The following LUZP2 variants were observed in gnomAD, a reference collection of about 807,000 sequenced individuals.
LUZP2 encodes leucine zipper protein 2.
A neutral mutation model predicts 51.6 loss-of-function variants in LUZP2; 52 were observed. That is an observed-to-expected ratio of 1.01 (90% CI 0.81 to 1.27). The LOEUF (loss-of-function observed/expected upper bound fraction) is 1.27, where lower values mean the gene tolerates loss of function less well. LUZP2 is among the 50% of genes most tolerant of loss of function. The pLI is 0.00. For synonymous variants in LUZP2, 154 were observed against 137.3 expected (o/e 1.12, Z -0.85); for missense variants, 436 against 395.4 (o/e 1.10, Z -0.87).
chr11:25,001,588 A>G (rs1856682284), intron 9 of LUZP2, among the ~76,000 whole-genome samples: 1 of 152,236 alleles, frequency 6.6e-6, no homozygotes, highest in Non-Finnish European at 1.5e-5. Context: ...TTGGAGTGTT[A>G]TAGGGTTACA....
chr11:24,673,193 G>A (rs980038153), intron 1 of LUZP2, among the ~76,000 whole-genome samples: 6 of 152,112 alleles, frequency 3.9e-5, no homozygotes, highest in African/African-American at 1.4e-4. Flanking sequence ...ATTGTAACAT[G>A]ATGATAAGTA....
intron 1 of LUZP2, among the ~76,000 whole-genome samples, chr11:24,513,550 A>G (rs1850375762): frequency 6.6e-6 from 1 of 152,204 alleles, no homozygotes; most frequent in Non-Finnish European, 1.5e-5. Flanking sequence ...TTAAATAATT[A>G]GAAGGGTAAA....
At chr11:24,771,083 T>C (rs1429289317) in intron 5 of LUZP2, among the ~76,000 whole-genome samples, 2 of 152,208 alleles carry the variant, frequency 1.3e-5, no homozygotes, top group Admixed American at 6.5e-5. Flanking sequence ...ATATCTGACC[T>C]AGAGCCGCAA....
At chr11:24,708,034 G>C (rs974509622) in intron 1 of LUZP2, among the ~76,000 whole-genome samples, 3 of 152,134 alleles carry the variant, frequency 2.0e-5, no homozygotes, top group Non-Finnish European at 2.9e-5. Flanking sequence ...GAGTGCTTTG[G>C]AGGGAGTCAG....
chr11:24,623,338 GA>G (rs1854566241), intron 1 of LUZP2, among the ~76,000 whole-genome samples: 2 of 152,168 alleles, frequency 1.3e-5, no homozygotes, highest in African/African-American at 4.8e-5. Context: ...ACTTGAGGAA[GA>G]ATGTCAGTAT....
At chr11:24,804,916 T>C (rs938020794) in intron 5 of LUZP2, among the ~76,000 whole-genome samples, 8 of 152,176 alleles carry the variant, frequency 5.3e-5, no homozygotes, top group Admixed American at 2.0e-4. Context: ...CTTGGCTCAC[T>C]GCAACCTCTG....
chr11:25,023,488 A>G (rs1445239259), intron 9 of LUZP2, among the ~76,000 whole-genome samples: 1 of 152,082 alleles, frequency 6.6e-6, no homozygotes, highest in Non-Finnish European at 1.5e-5. Context: ...CAGTGTTGAT[A>G]TCCCCTTTAT....
At chr11:24,973,201 T>A (rs770686343) in intron 7 of LUZP2, among the ~76,000 whole-genome samples, 16 of 151,472 alleles carry the variant, frequency 1.1e-4, no homozygotes, top group African/African-American at 1.7e-4. Flanking sequence ...CTTATTCATT[T>A]CTTCTGAATT....
chr11:24,596,875 CCTTTT>C (rs774303091), intron 1 of LUZP2, among the ~76,000 whole-genome samples: 2 of 152,142 alleles, frequency 1.3e-5, no homozygotes, highest in Non-Finnish European at 2.9e-5. Context: ...TTAAGGTCCA[CCTTTT>C]CTGAATAAGT....
At chr11:24,915,048 A>G (rs1253647174) in intron 7 of LUZP2, among the ~76,000 whole-genome samples, 2 of 152,264 alleles carry the variant, frequency 1.3e-5, no homozygotes, top group East Asian at 3.9e-4. Flanking sequence ...GACTTAAAAT[A>G]TGAGATATAT....
chr11:25,041,290 ATAAT>A (rs1858049838), intron 9 of LUZP2, among the ~76,000 whole-genome samples: 1 of 152,182 alleles, frequency 6.6e-6, no homozygotes, highest in Non-Finnish European at 1.5e-5. Context: ...ATTAACAACA[ATAAT>A]TAATAATAAA....
At chr11:24,548,001 TATC>T (rs1390916033) in intron 1 of LUZP2, among the ~76,000 whole-genome samples, 2 of 152,018 alleles carry the variant, frequency 1.3e-5, no homozygotes, top group East Asian at 1.9e-4. Context: ...CACAATGAGA[TATC>T]ATCTCATACA....
At chr11:24,837,682 G>C (rs763793128) in intron 5 of LUZP2, among the ~76,000 whole-genome samples, 7 of 151,666 alleles carry the variant, frequency 4.6e-5, no homozygotes, top group Non-Finnish European at 1.0e-4. Flanking sequence ...TTGTAAAGTT[G>C]TTTCAATTGT....
intron 1 of LUZP2, among the ~76,000 whole-genome samples, chr11:24,550,084 A>T (rs1344785510): frequency 6.6e-6 from 1 of 152,028 alleles, no homozygotes; most frequent in African/African-American, 2.4e-5. Flanking sequence ...AAATCTTTAC[A>T]TGGCTTGGGA....
chr11:24,588,865 A>G (rs1358024159), intron 1 of LUZP2, among the ~76,000 whole-genome samples: 1 of 152,142 alleles, frequency 6.6e-6, no homozygotes, highest in Non-Finnish European at 1.5e-5. Context: ...TTAAAAAAAG[A>G]AGATCCTCAC....
intron 5 of LUZP2, among the ~76,000 whole-genome samples, chr11:24,808,063 A>G (rs1849905755): frequency 6.6e-6 from 1 of 152,220 alleles, no homozygotes; most frequent in Non-Finnish European, 1.5e-5. Context: ...CAATGGAAAT[A>G]AAATGTAAAT....
chr11:24,855,058 T>C (rs2631446), intron 5 of LUZP2, among the ~76,000 whole-genome samples: 23,071 of 152,198 alleles, frequency 0.15, 1,907 homozygotes, highest in African/African-American at 0.2. Context: ...AGCTATAGAC[T>C]GGAGCTGTTC....
intron 1 of LUZP2, among the ~76,000 whole-genome samples, chr11:24,566,502 T>TTGTG (rs201421517): frequency 1.4e-5 from 2 of 147,662 alleles, no homozygotes; most frequent in African/African-American, 2.5e-5. Flanking sequence ...ATAATTTAAT[T>TTGTG]TGTGTGTGTG....
chr11:25,008,696 G>C (rs929592669), intron 9 of LUZP2, among the ~76,000 whole-genome samples: 2 of 152,170 alleles, frequency 1.3e-5, no homozygotes, highest in Non-Finnish European at 2.9e-5. Flanking sequence ...ACGAGAGTAA[G>C]TAAGGCAGTG....
Sources: gnomAD v4.1 joint callset for allele counts (sites outside exome capture counted in the v4.1 genomes callset) on GRCh38, gnomAD v4.1.1 for gene constraint, MANE v1.5 for transcripts, NCBI Gene and HGNC (gene_info 2026-07-23, HGNC 2026-07-21) for gene names.